Variants in R3HDM2 observed in about 807,000 individuals in gnomAD.
R3HDM2 encodes the protein R3H domain containing 2, also known as R3H domain-containing protein 2.
Under a neutral mutation model 124.5 loss-of-function variants are expected in R3HDM2, and 38 were observed. The ratio of observed to expected loss-of-function variants is 0.31; its 90% CI spans 0.24 to 0.40. R3HDM2 has a LOEUF of 0.40. Among genes scored for constraint, R3HDM2 ranks in the 10% least tolerant of loss-of-function variants. The pLI is 1.00. For synonymous variants in R3HDM2, 391 were observed against 448.0 expected (o/e 0.87, Z 1.61); for missense variants, 869 against 1,236.9 (o/e 0.70, Z 4.46).
chr12:57,345,650 C>T (rs2060017897), intron 2 of R3HDM2, among the ~76,000 whole-genome samples: 1 of 152,152 alleles, frequency 6.6e-6, no homozygotes, highest in Non-Finnish European at 1.5e-5. Flanking sequence ...CCTCCTGCCT[C>T]CTGGTTCTGG....
rs540605493 is a variant in R3HDM2, at chr12:57,402,637, C to T, written c.-105-6819G>A. ...TACAAAAATTAGCCAGGCGTGGTGGCAGGCGCTTGTAAATCTCAGCTACTC... is the reference window on the plus strand; with the variant it reads ...TACAAAAATTAGCCAGGCGTGGTGGTAGGCGCTTGTAAATCTCAGCTACTC... On this transcript the variant is annotated intron_variant, in intron 1 of 23. Transcript: ENST00000402412. Among the ~76,000 whole-genome samples, 11 of 152,166 alleles carry T rather than the reference C, an allele frequency of 7.2e-5. No individual in the cohort carries two copies. In the South Asian group the frequency reaches 2.3e-3, roughly 32 times the overall value.
Position 57,313,882 on chromosome 12 carries a change from GA to G in R3HDM2, c.-35-3420del, listed in dbSNP as rs869177467. On this transcript the variant is annotated intron_variant, in intron 2 of 23. Coordinates refer to ENST00000402412, the MANE Select transcript of R3HDM2 (RefSeq NM_001394031.1). ...GGTGACAAAGCAAGATCCTGTCTCT[GA>G]AAAAAAAAAAAAAAAAAAAAAAAGA... Among the ~76,000 whole-genome samples the G allele has an allele frequency of 3.1e-3, 185 of 60,498 alleles. 2 individuals are homozygous for G. The highest frequency in any genetic ancestry group is 0.021 in the East Asian group (46 of 2,178). 39.7% of individuals were successfully genotyped at this position (60,498 alleles called of 152,430 possible). A position where few individuals can be genotyped will look rare whatever the true frequency, so the allele number is the denominator to read the frequency against.
intron 2 of R3HDM2, among the ~76,000 whole-genome samples, chr12:57,332,929 C>A (rs546171273): frequency 6.6e-6 from 1 of 152,164 alleles, no homozygotes; most frequent in Non-Finnish European, 1.5e-5. Context: ...AATCCTTTAG[C>A]TCTGTAAATA....
chr12:57,304,426 C>G (rs1437726868), intron 3 of R3HDM2: 1 of 837,852 alleles, frequency 1.2e-6, no homozygotes, highest in African/African-American at 1.9e-5. Flanking sequence ...GTAGAGGGAA[C>G]TGAGGCAGGA....
chr12:57,413,250 C>T (rs1054115220), intron 1 of R3HDM2, among the ~76,000 whole-genome samples: 1 of 152,048 alleles, frequency 6.6e-6, no homozygotes, highest in Non-Finnish European at 1.5e-5. Flanking sequence ...TATCCCATCT[C>T]CCATGGCAAG....
At chr12:57,391,873 A>G (rs2066734802) in intron 2 of R3HDM2, among the ~76,000 whole-genome samples, 1 of 152,258 alleles carries the variant, frequency 6.6e-6, no homozygotes, top group Non-Finnish European at 1.5e-5. Context: ...TATAGTAAAA[A>G]GTGAGCGGCT....
At chr12:57,389,916 A>G (rs550049252) in intron 2 of R3HDM2, among the ~76,000 whole-genome samples, 43 of 152,300 alleles carry the variant, frequency 2.8e-4, no homozygotes, top group African/African-American at 9.1e-4. Flanking sequence ...CTAAGCCTGT[A>G]TCTGATTGAT....
At chr12:57,430,627 CGG>C in intron 1 of R3HDM2, 91 bp downstream of exon 1, 1 of 982,692 alleles carries the variant, frequency 1.0e-6, no homozygotes, top group Non-Finnish European at 1.2e-6. Flanking sequence ...ACCCAGGCCG[CGG>C]GGCCTCCTCG....
chr12:57,266,634 C>T, intron 19 of R3HDM2, 97 bp downstream of exon 19: 1 of 944,412 alleles, frequency 1.1e-6, no homozygotes. Flanking sequence ...GACCCAATAC[C>T]TGAACTCTTT....
intron 21 of R3HDM2, among the ~76,000 whole-genome samples, chr12:57,257,053 A>C (rs2039276324): frequency 6.6e-6 from 1 of 152,094 alleles, no homozygotes; most frequent in Non-Finnish European, 1.5e-5. Flanking sequence ...TCCTGACCTC[A>C]GGTGATCCGC....
At chr12:57,419,222 C>A (rs2139510861) in intron 1 of R3HDM2, among the ~76,000 whole-genome samples, 1 of 150,992 alleles carries the variant, frequency 6.6e-6, no homozygotes, top group South Asian at 2.1e-4. Context: ...CGGCTCACTG[C>A]AACCTCCGCC....
At chr12:57,277,535 T>C (rs2045130972) in intron 14 of R3HDM2, among the ~76,000 whole-genome samples, 1 of 151,740 alleles carries the variant, frequency 6.6e-6, no homozygotes, top group South Asian at 2.1e-4. Context: ...ACCTCCCAGG[T>C]TCAAGCAATT....
At chr12:57,426,459 T>C (rs2070747608) in intron 1 of R3HDM2, among the ~76,000 whole-genome samples, 1 of 152,140 alleles carries the variant, frequency 6.6e-6, no homozygotes, top group African/African-American at 2.4e-5. Flanking sequence ...TCTACATGAA[T>C]TGGTGGGGTT....
intron 1 of R3HDM2, among the ~76,000 whole-genome samples, chr12:57,419,636 C>T (rs1018980495): frequency 7.2e-5 from 11 of 152,024 alleles, no homozygotes; most frequent in African/African-American, 2.4e-4. Context: ...AGGTGGGTGT[C>T]TCACAATGTT....
chr12:57,295,403 T>C lies in R3HDM2; in HGVS notation c.806A>G (p.Asn269Ser). ...RDDASMDRDD[N>S]QIRVPLQDGR... ...CCACCCCTTTCCATTCTTCACCTGG[T>C]TATCATCTCGGTCCATACTGGCATC... Residue 269 changes from asparagine to serine, a missense_variant, in exon 10 of 24, where the codon AAC becomes AGC. By Grantham distance (46) the Asn-to-Ser change is conservative. Around this residue, in one of 2 missense-constraint regions of R3HDM2, gnomAD observed 267 missense variants for 447.7 expected, o/e 0.60. Transcript: ENST00000402412. The C allele has an allele frequency of 1.3e-6, 2 of 1,549,106 alleles. No individual in the cohort carries two copies. Among genetic ancestry groups the C allele is most frequent in the Non-Finnish European group, 1.7e-6 (2 of 1,144,986 alleles).
chr12:57,374,020 C>T (rs1340771836), intron 2 of R3HDM2, among the ~76,000 whole-genome samples: 2 of 147,050 alleles, frequency 1.4e-5, no homozygotes, highest in African/African-American at 2.5e-5. Flanking sequence ...CCCAGCTACT[C>T]GGGAGGCTAA....
chr12:57,268,786 A>C, intron 17 of R3HDM2, 136 bp downstream of exon 17: 1 of 1,197,292 alleles, frequency 8.4e-7, no homozygotes, highest in Non-Finnish European at 1.2e-6. Flanking sequence ...CCGTTATAGG[A>C]AAAAAACCTA....
intron 2 of R3HDM2, among the ~76,000 whole-genome samples, chr12:57,332,798 T>C (rs982984119): frequency 6.6e-6 from 1 of 152,222 alleles, no homozygotes; most frequent in East Asian, 1.9e-4. Flanking sequence ...CTTTGCTTAA[T>C]AGAGAATCTA....
chr12:57,312,325 T>G (rs1329412112), intron 2 of R3HDM2, among the ~76,000 whole-genome samples: 1 of 151,076 alleles, frequency 6.6e-6, no homozygotes, highest in African/African-American at 2.4e-5. Flanking sequence ...TTTTTTTTTT[T>G]GAGACAGGAT....
Sources: gnomAD v4.1 joint callset for allele counts (sites outside exome capture counted in the v4.1 genomes callset) on GRCh38, gnomAD v4.1.1 for gene constraint, gnomAD v4.1.1 regional missense constraint, MANE v1.5 for transcripts, NCBI Gene and HGNC (gene_info 2026-07-23, HGNC 2026-07-21) for gene names.